Variants in MAP2K2 observed in about 807,000 individuals in gnomAD.
The protein encoded by MAP2K2 is mitogen-activated protein kinase kinase 2.
A neutral mutation model predicts 43.7 loss-of-function variants in MAP2K2; 24 were observed. That is an observed-to-expected ratio of 0.55 (90% confidence interval 0.40 to 0.77). MAP2K2 has a LOEUF of 0.77. MAP2K2 is among the 30% of genes least tolerant of loss of function. The pLI, the probability that MAP2K2 is intolerant of heterozygous loss-of-function variation, is 0.00. For synonymous variants in MAP2K2, 244 were observed against 239.7 expected (o/e 1.02, Z -0.17); for missense variants, 470 against 566.8 (o/e 0.83, Z 1.73).
At position 4,101,486 on chromosome 19, in the gene MAP2K2, C is replaced by G. The variant is rs926126490; in HGVS notation, c.529-206G>C. On this transcript the variant is annotated intron_variant, in intron 4 of 10. Transcript: ENST00000262948. The surrounding 1 kb of genome is among the most constrained non-coding windows in gnomAD (Gnocchi z 6.3). Reference sequence around the variant, plus strand: ...CAGCCCTGTGCTGGCGTGTGCAAGTCAACCCCGGTTCCCATGGCCGCAGTG... The same window carrying G: ...CAGCCCTGTGCTGGCGTGTGCAAGTGAACCCCGGTTCCCATGGCCGCAGTG... Among the ~76,000 whole-genome samples the G allele has an allele frequency of 3.3e-5, 5 of 152,196 alleles. No individual in the cohort carries two copies. Among genetic ancestry groups the G allele is most frequent in the African/African-American group, 1.2e-4 (5 of 41,438 alleles).
chr19:4,103,955 G>T (rs531276525), intron 3 of MAP2K2, among the ~76,000 whole-genome samples: 2 of 152,262 alleles, frequency 1.3e-5, no homozygotes, highest in East Asian at 1.9e-4. Context: ...TACCTTAAAA[G>T]AATTACTTAA....
In MAP2K2 at chr19:4,117,482, C is replaced by T. The variant is rs543217722; in HGVS notation, c.240G>A (p.Ala80=). The change falls in exon 2 of 11, where the codon GCG becomes GCA. Residue 80 remains alanine, a synonymous_variant. Coordinates refer to ENST00000262948, the MANE Select transcript of MAP2K2 (RefSeq NM_030662.4). ...DDFERISELG[A]GNGGVVTKVQ... is the part of the protein sequence containing the mutation. ...CTTTGGTGACCACCCCGCCGTTGCCCGCGCCCAGCTCTGAGATCCTTTCGA... is the reference window on the plus strand; with the variant it reads ...CTTTGGTGACCACCCCGCCGTTGCCTGCGCCCAGCTCTGAGATCCTTTCGA... The T allele has an allele frequency of 5.9e-5, 96 of 1,614,148 alleles. No individual in the cohort carries two copies. In the South Asian group the frequency reaches 6.5e-4, roughly 11 times the overall value.
rs773832280 is a variant in MAP2K2, at chr19:4,103,153, C to A, written c.451-700G>T. ...TGACGCCAGCCCAGGTGACGGTAAC[C>A]TCGGCCCCTCCCCACAGCCTGTGGT... On this transcript the variant is annotated intron_variant, in intron 3 of 10. Coordinates refer to ENST00000262948, the MANE Select transcript of MAP2K2 (RefSeq NM_030662.4). 193 of 992,526 alleles carry A rather than the reference C, an allele frequency of 1.9e-4. No individual in the cohort carries two copies. The Middle Eastern group carries it at 5.7e-3, about 29-fold the overall frequency. The allele number at this position is 992,526 out of a possible 1,614,324, so 61.5% of individuals were successfully genotyped here.
chr19:4,092,819 C>A (rs889824858), intron 10 of MAP2K2, among the ~76,000 whole-genome samples: 1 of 152,108 alleles, frequency 6.6e-6, no homozygotes, highest in Non-Finnish European at 1.5e-5. Context: ...CACCTGTAAT[C>A]CCAGCCCTCT....
intron 2 of MAP2K2, among the ~76,000 whole-genome samples, chr19:4,113,591 G>A (rs1226657650): frequency 6.6e-6 from 1 of 152,218 alleles, no homozygotes; most frequent in Non-Finnish European, 1.5e-5. Context: ...GACTGGGGCT[G>A]CCTCGGGGAA....
At chr19:4,096,398 GAC>G (rs1361585266) in intron 8 of MAP2K2, among the ~76,000 whole-genome samples, 1 of 152,210 alleles carries the variant, frequency 6.6e-6, no homozygotes, top group African/African-American at 2.4e-5. Flanking sequence ...GGCCACCAAA[GAC>G]ACAGAAACCC....
At chr19:4,095,568 C>T (rs949768776) in intron 8 of MAP2K2, 119 bp from the exon 9 acceptor site, 42 of 751,860 alleles carry the variant, frequency 5.6e-5, no homozygotes, top group African/African-American at 5.4e-4. Context: ...TGGCCGACAC[C>T]ACATGCCAAC....
At chr19:4,104,256 C>T (rs1361404152) in intron 3 of MAP2K2, among the ~76,000 whole-genome samples, 2 of 136,256 alleles carry the variant, frequency 1.5e-5, no homozygotes, top group African/African-American at 5.7e-5. Flanking sequence ...GAGAGCAAGA[C>T]TCCTCAATTA....
In MAP2K2 at chr19:4,101,174, C is replaced by T. The variant is rs1275678604; in HGVS notation, c.581-31G>A. The T allele has an allele frequency of 6.2e-7, 1 of 1,602,702 alleles. No homozygotes were observed. The highest frequency in any genetic ancestry group is 1.7e-5 in the Admixed American group (1 of 58,502). On this transcript the variant is annotated intron_variant, in intron 5 of 10. Transcript: ENST00000262948. The surrounding 1 kb of genome is among the most constrained non-coding windows in gnomAD (Gnocchi z 6.3). ...GGCGGCAGGCTGCGGGTGAGGGGCG[C>T]CCAACAGTTGCCTGCCGGCCCCCGG...
At chr19:4,116,782 G>A (rs556133325) in intron 2 of MAP2K2, among the ~76,000 whole-genome samples, 8 of 151,148 alleles carry the variant, frequency 5.3e-5, no homozygotes, top group African/African-American at 1.9e-4. Flanking sequence ...ACAAAAAAAT[G>A]AGCTGGGCCT....
chr19:4,099,779 G>A (rs1175119951), intron 6 of MAP2K2: 1 of 330,444 alleles, frequency 3.0e-6, no homozygotes, highest in Admixed American at 4.5e-5. Context: ...ATCCCCAGTC[G>A]TTTCCTGAAA....
rs140111079 is a variant in MAP2K2 at position 4,099,230 on chromosome 19, C to T, written c.890G>A (p.Arg297Gln). ...GACGGGGCGCCCGGGGGGCCTCGGC[C>T]GAGGCGAGATGCTGTGAGGCTCTCC... ...EEGEPHSISP[R>Q]PRPPGRPVSG... The change falls in exon 7 of 11, where the codon CGG becomes CAG. Residue 297 changes from arginine (R) to glutamine (Q), a missense_variant. By Grantham distance (43) the Arg-to-Gln change is conservative. Transcript: ENST00000262948. 104 of 1,604,216 alleles carry T rather than the reference C, an allele frequency of 6.5e-5. No homozygotes were observed. The highest frequency in any genetic ancestry group is 8.3e-5 in the Non-Finnish European group (98 of 1,176,114).
chr19:4,096,107 G>C (rs991775868), intron 8 of MAP2K2, among the ~76,000 whole-genome samples: 4 of 152,244 alleles, frequency 2.6e-5, no homozygotes, highest in Non-Finnish European at 5.9e-5. Flanking sequence ...CCCAAGCACT[G>C]GGGAGCCTGG....
chr19:4,106,540 C>T (rs2041087676), intron 3 of MAP2K2, among the ~76,000 whole-genome samples: 1 of 152,152 alleles, frequency 6.6e-6, no homozygotes, highest in Non-Finnish European at 1.5e-5. Flanking sequence ...TCCTGAGGAG[C>T]TGGGACTACA....
At chr19:4,092,053 G>A (rs1306838682) in intron 10 of MAP2K2, among the ~76,000 whole-genome samples, 1 of 152,206 alleles carries the variant, frequency 6.6e-6, no homozygotes, top group Non-Finnish European at 1.5e-5. Context: ...GAGGGCGGGT[G>A]CCCTTGGGGA....
chr19:4,107,533 A>G (rs1030736054), intron 3 of MAP2K2, among the ~76,000 whole-genome samples: 2 of 150,722 alleles, frequency 1.3e-5, no homozygotes, highest in Non-Finnish European at 3.0e-5. Flanking sequence ...CAAAAAAAAA[A>G]AAAAAAAAAA....
intron 3 of MAP2K2, chr19:4,102,776 G>T: frequency 7.9e-7 from 1 of 1,267,632 alleles, no homozygotes; most frequent in Non-Finnish European, 1.0e-6. Flanking sequence ...CCGCGGCCGG[G>T]GGCTCAGGCA....
chr19:4,123,386 A>C (rs1475923033), intron 1 of MAP2K2, among the ~76,000 whole-genome samples: 1 of 150,924 alleles, frequency 6.6e-6, no homozygotes, highest in East Asian at 1.9e-4. Context: ...CTCTCCTCTT[A>C]GAGACATCCT....
In MAP2K2 at chr19:4,123,803, T is replaced by G. The variant is rs1161407396; in HGVS notation, c.73A>C (p.Thr25Pro). ...NPTIAEGPSP[T>P]SEGASEANLV... ...ACTCACTCGGAGGCGCCCTCGCTGG[T>G]AGGGGATGGGCCCTCGGCGATGGTA... The change falls in exon 1 of 11, where the codon ACC becomes CCC. Residue 25 changes from threonine (T) to proline (P), a missense_variant. Thr to Pro is a conservative substitution (Grantham distance 38). This residue lies in a region of MAP2K2 where 58 missense variants were observed against 48.0 expected (regional missense o/e 1.21). Transcript: ENST00000262948. The G allele has an allele frequency of 1.3e-6, 2 of 1,563,056 alleles. No individual in the cohort carries two copies. Among genetic ancestry groups the G allele is most frequent in the African/African-American group, 1.4e-5 (1 of 72,114 alleles).
Sources: allele counts gnomAD v4.1 joint callset (sites outside exome capture counted in the v4.1 genomes callset), GRCh38; gene constraint gnomAD v4.1.1; regional missense constraint gnomAD v4.1.1; non-coding constraint Gnocchi (gnomAD v3.1); transcripts MANE v1.5; gene names NCBI Gene and HGNC (gene_info 2026-07-23, HGNC 2026-07-21).